Variants in PCDHGB1 observed in about 807,000 individuals in gnomAD.
PCDHGB1 encodes the protein protocadherin gamma-B1.
Under a neutral mutation model 56.6 loss-of-function variants are expected in PCDHGB1, and 34 were observed. The observed-to-expected ratio is 0.60, with a 90% CI of 0.46 to 0.80. PCDHGB1 has a LOEUF of 0.80. Ranked by LOEUF, PCDHGB1 falls within the 30% of genes least tolerant of loss-of-function variation. The pLI, the probability that PCDHGB1 is intolerant of heterozygous loss-of-function variation, is 0.00. For synonymous variants in PCDHGB1, 561 were observed against 505.9 expected (o/e 1.11, Z -1.46); for missense variants, 1,278 against 1,204.6 (o/e 1.06, Z -0.90).
At position 141,355,356 on chromosome 5, in the gene PCDHGB1, G is replaced by A. The variant is rs1206306713; in HGVS notation, c.2409+2687G>A. On this transcript the variant is annotated intron_variant, in intron 1 of 3. Transcript: ENST00000523390. The stretch of plus-strand genomic sequence containing the variant: ...TGGTGGGCAACATCGCCAAGGACCT[G>A]GGGTTGGCGCCCCGGGAGCTGGCGG... 7 of 1,614,044 alleles carry A rather than the reference G, an allele frequency of 4.3e-6. No individual in the cohort carries two copies. In the East Asian group the frequency reaches 1.1e-4, roughly 26 times the overall value.
intron 1 of PCDHGB1, chr5:141,408,693 T>C (rs1561714723): frequency 6.2e-6 from 10 of 1,613,768 alleles, no homozygotes; most frequent in Non-Finnish European, 8.5e-6. Flanking sequence ...GATATAAACA[T>C]AAACTCAATT....
At chr5:141,374,467 C>A (rs1430397717) in intron 1 of PCDHGB1, 1 of 1,612,694 alleles carries the variant, frequency 6.2e-7, no homozygotes, top group Admixed American at 1.7e-5. Flanking sequence ...ACATTAATGA[C>A]AATACACCCC....
intron 1 of PCDHGB1, chr5:141,407,994 C>T (rs1449634415): frequency 1.0e-5 from 9 of 858,436 alleles, no homozygotes; most frequent in African/African-American, 1.7e-5. Flanking sequence ...CAGCCTCTGG[C>T]CTGGGATTCC....
intron 1 of PCDHGB1, chr5:141,410,146 C>G: frequency 6.2e-7 from 1 of 1,612,390 alleles, no homozygotes. Flanking sequence ...CTGTGCGTGA[C>G]GGTGGACAGC....
intron 1 of PCDHGB1, chr5:141,404,764 C>G: frequency 6.2e-7 from 1 of 1,613,920 alleles, no homozygotes; most frequent in Non-Finnish European, 8.5e-7. Context: ...ATGCTTGGCT[C>G]TCCTACCGCC....
chr5:141,427,319 G>T (rs1184530487), intron 1 of PCDHGB1: 4 of 456,958 alleles, frequency 8.8e-6, no homozygotes, highest in African/African-American at 8.0e-5. Flanking sequence ...CCCCAGACGT[G>T]GTTTTTACTT....
At chr5:141,400,929 A>G (rs1179035412) in intron 1 of PCDHGB1, among the ~76,000 whole-genome samples, 2 of 152,214 alleles carry the variant, frequency 1.3e-5, no homozygotes, top group Non-Finnish European at 2.9e-5. Flanking sequence ...CTGCTAGTAG[A>G]TGTCTTTCTT....
chr5:141,383,004 G>A, intron 1 of PCDHGB1: 1 of 1,613,698 alleles, frequency 6.2e-7, no homozygotes, highest in Non-Finnish European at 8.5e-7. Flanking sequence ...TCTACTCCGT[G>A]TCGGAGGAGA....
intron 1 of PCDHGB1, chr5:141,376,679 T>A (rs1008866087): frequency 1.9e-6 from 1 of 528,242 alleles, no homozygotes; most frequent in Non-Finnish European, 2.9e-6. Context: ...GGGTATCGTT[T>A]TTTTTTTTTT....
rs974732178 is a variant in PCDHGB1 at position 141,374,708 on chromosome 5, C to A, written c.2409+22039C>A. On this transcript the variant is annotated intron_variant, in intron 1 of 3. Coordinates refer to ENST00000523390, the MANE Select transcript of PCDHGB1 (RefSeq NM_018922.3). ...GGACCGGGAAGGAGAAGCCGTTTACCGCCTGGTCCTTACTGCCATGGATGG... is the reference window on the plus strand; with the variant it reads ...GGACCGGGAAGGAGAAGCCGTTTACAGCCTGGTCCTTACTGCCATGGATGG... 1.8e-5 allele frequency: 29 copies of A among 1,609,028 alleles called. No individual in the cohort carries two copies. In the Admixed American group the frequency reaches 3.1e-4, roughly 17 times the overall value.
At position 141,351,714 on chromosome 5, in the gene PCDHGB1, A is replaced by T; in HGVS notation, c.1454A>T (p.Tyr485Phe). 6.2e-7 allele frequency: 1 copy of T among 1,613,242 alleles called. No homozygotes were observed. Among genetic ancestry groups the T allele is most frequent in the Non-Finnish European group, 8.5e-7 (1 of 1,179,842 alleles). ...TTGGGACCCAACGGCAGAGTCTCCT[A>T]CTCTATTCTGGCCAGTGACCTGGAG... is the stretch of plus-strand genomic sequence containing the variant. ...PDLGPNGRVS[Y>F]SILASDLEPR... The change falls in exon 1 of 4, where the codon TAC (tyrosine) becomes TTC (phenylalanine). Residue 485 changes from tyrosine (Y) to phenylalanine (F), a missense_variant. Coordinates refer to ENST00000523390, the MANE Select transcript of PCDHGB1 (RefSeq NM_018922.3).
chr5:141,434,877 C>A (rs1266355299), intron 1 of PCDHGB1, among the ~76,000 whole-genome samples: 1 of 151,612 alleles, frequency 6.6e-6, no homozygotes, highest in Non-Finnish European at 1.5e-5. Flanking sequence ...TGACAGATAC[C>A]AACAACAATC....
At chr5:141,407,960 C>T in intron 1 of PCDHGB1, 1 of 669,186 alleles carries the variant, frequency 1.5e-6, no homozygotes, top group Non-Finnish European at 2.4e-6. Flanking sequence ...CAGTGCAGAG[C>T]AAGCGCTGAC....
chr5:141,417,830 G>C (rs2096166388), intron 1 of PCDHGB1: 1 of 1,527,028 alleles, frequency 6.5e-7, no homozygotes, highest in African/African-American at 1.4e-5. Flanking sequence ...AACTGGAAAA[G>C]CGGGGACCCA....
intron 1 of PCDHGB1, among the ~76,000 whole-genome samples, chr5:141,473,698 T>A (rs2099327181): frequency 6.6e-6 from 1 of 152,166 alleles, no homozygotes; most frequent in Non-Finnish European, 1.5e-5. Context: ...CTGACCACCC[T>A]CCAAGTGGTG....
At chr5:141,509,334 G>A (rs1184232270) in intron 3 of PCDHGB1, among the ~76,000 whole-genome samples, 1 of 152,186 alleles carries the variant, frequency 6.6e-6, no homozygotes, top group Non-Finnish European at 1.5e-5. Flanking sequence ...ACTGCCAGCT[G>A]GGCCTGGGCT....
intron 1 of PCDHGB1, among the ~76,000 whole-genome samples, chr5:141,484,454 G>A (rs932663778): frequency 6.6e-6 from 1 of 152,212 alleles, no homozygotes; most frequent in African/African-American, 2.4e-5. Context: ...AATTGGCTAC[G>A]TTAATGTGTA....
intron 1 of PCDHGB1, among the ~76,000 whole-genome samples, chr5:141,354,798 A>T (rs1759635009): frequency 6.6e-6 from 1 of 152,264 alleles, no homozygotes; most frequent in African/African-American, 2.4e-5. Context: ...AAGAAAATAA[A>T]TAACTTCATA....
At chr5:141,362,537 C>A in intron 1 of PCDHGB1, 1 of 1,613,822 alleles carries the variant, frequency 6.2e-7, no homozygotes, top group Non-Finnish European at 8.5e-7. Context: ...GTCCCTTTTG[C>A]CTCAGATACT....
Sources: gnomAD v4.1 joint callset for allele counts (sites outside exome capture counted in the v4.1 genomes callset) on GRCh38, gnomAD v4.1.1 for gene constraint, MANE v1.5 for transcripts, NCBI Gene and HGNC (gene_info 2026-07-23, HGNC 2026-07-21) for gene names.